PI4K2A: variants seen among roughly 807,000 people sequenced by gnomAD.
PI4K2A encodes phosphatidylinositol 4-kinase type 2 alpha.
A neutral mutation model predicts 55.0 loss-of-function variants in PI4K2A; 20 were observed. That is an observed-to-expected ratio of 0.36 (90% CI 0.26 to 0.53). The LOEUF (loss-of-function observed/expected upper bound fraction) is 0.53. Ranked by LOEUF, PI4K2A falls within the 20% of genes least tolerant of loss-of-function variation. PI4K2A has a pLI of 0.91. For synonymous variants in PI4K2A, 235 were observed against 258.5 expected (o/e 0.91, Z 0.87); for missense variants, 463 against 637.1 (o/e 0.73, Z 2.94).
At chr10:97,648,472 G>A (rs2041515761) in intron 1 of PI4K2A, among the ~76,000 whole-genome samples, 1 of 152,042 alleles carries the variant, frequency 6.6e-6, no homozygotes, top group Non-Finnish European at 1.5e-5. Flanking sequence ...CTCATCCTCT[G>A]AAAGTGCTGG....
exon 2 of PI4K2A, chr10:97,650,947 A>G: frequency 6.2e-7 from 1 of 1,612,522 alleles, no homozygotes; most frequent in Non-Finnish European, 8.5e-7. Flanking sequence ...GTAGAGGATC[A>G]TTGCTGTCTT....
intron 1 of PI4K2A, among the ~76,000 whole-genome samples, chr10:97,645,441 T>C (rs565478188): frequency 7.6e-4 from 115 of 151,878 alleles, no homozygotes; most frequent in Non-Finnish European, 1.4e-3. Context: ...ACCCCATCTC[T>C]ACTAGAAATA....
chr10:97,667,176 C>G (rs1482950882), intron 8 of PI4K2A, 56 bp downstream of exon 8: 1 of 1,283,856 alleles, frequency 7.8e-7, no homozygotes, highest in East Asian at 2.3e-5. Context: ...GTTGTGTGCT[C>G]AGGTTGAGCA....
Position 97,650,278 on chromosome 10 carries a change from C to CTTTTTTTTTTTT in PI4K2A, c.436-658_436-647dup, listed in dbSNP as rs71007356. ...TCTACCACTGAATTGGCTTCTGTACCTTTTTTTTTTTTTTTTGTGAGACAG... is the reference window on the plus strand; with the variant it reads ...TCTACCACTGAATTGGCTTCTGTACCTTTTTTTTTTTTTTTTTTTTTTTTTTTTGTGAGACAG... On this transcript the variant is annotated intron_variant, in intron 1 of 8. Coordinates refer to ENST00000370631, the Ensembl canonical transcript of PI4K2A. 2.4e-3 allele frequency among the ~76,000 whole-genome samples: 255 copies of CTTTTTTTTTTTT among 108,030 alleles called. 6 individuals are homozygous for CTTTTTTTTTTTT. The highest frequency in any genetic ancestry group is 5.4e-3 in the African/African-American group (130 of 24,098). 70.9% of individuals were successfully genotyped at this position (108,030 alleles called of 152,430 possible). A position where few individuals can be genotyped will look rare whatever the true frequency, so the allele number is the denominator to read the frequency against.
intron 8 of PI4K2A, among the ~76,000 whole-genome samples, chr10:97,667,385 T>G (rs2041615130): frequency 6.6e-6 from 1 of 152,090 alleles, no homozygotes; most frequent in African/African-American, 2.4e-5. Context: ...AATTTTTGCA[T>G]TTTTAGTAGA....
exon 1 of PI4K2A, chr10:97,640,875 G>A: frequency 7.6e-7 from 1 of 1,311,888 alleles, no homozygotes. Context: ...GGCCGGCTCG[G>A]GCCCCTCTCC....
chr10:97,663,446 G>A (rs1291868657), intron 5 of PI4K2A, among the ~76,000 whole-genome samples: 6 of 151,484 alleles, frequency 4.0e-5, no homozygotes, highest in Non-Finnish European at 4.4e-5. Context: ...CAGTCTACAT[G>A]TTTTACAAAA....
chr10:97,661,460 A>G (rs566704611), intron 4 of PI4K2A, among the ~76,000 whole-genome samples: 51 of 150,994 alleles, frequency 3.4e-4, no homozygotes, highest in African/African-American at 1.1e-3. Context: ...AAAGATTTTT[A>G]TAATTGGCTT....
chr10:97,666,685 A>C, intron 7 of PI4K2A, 114 bp downstream of exon 7: 1 of 899,862 alleles, frequency 1.1e-6, no homozygotes, highest in Admixed American at 2.6e-5. Flanking sequence ...TTCTGACTTG[A>C]GTTAGCCAAC....
rs1044633283 is a variant in PI4K2A at position 97,666,947 on chromosome 10, G to C, written c.1219-114G>C. 4 of 755,404 alleles carry C rather than the reference G, an allele frequency of 5.3e-6. No individual in the cohort carries two copies. The Admixed American group carries it at 9.0e-5, about 17-fold the overall frequency. The allele number at this position is 755,404 out of a possible 1,614,324, so 46.8% of individuals were successfully genotyped here. ...TTGTGGGAGTAGTTGACTTCACAAA[G>C]CTGCAGAAGCCTTATGCAGGTTTTC... On this transcript the variant is annotated intron_variant, in intron 7 of 8. Transcript: ENST00000370631.
chr10:97,670,496 T>C (rs948478060), intron 8 of PI4K2A, among the ~76,000 whole-genome samples: 2 of 152,220 alleles, frequency 1.3e-5, no homozygotes, highest in African/African-American at 4.8e-5. Context: ...CTAGATATTC[T>C]TTTTTGCCAA....
At chr10:97,663,038 C>T in intron 5 of PI4K2A, 70 bp downstream of exon 5, 1 of 1,030,638 alleles carries the variant, frequency 9.7e-7, no homozygotes, top group Admixed American at 1.7e-5. Flanking sequence ...ATAAAATGGT[C>T]AGAGATGTAG....
chr10:97,648,114 A>ATTTTTTTTTTTTT (rs2041514220), intron 1 of PI4K2A, among the ~76,000 whole-genome samples: 1 of 94,802 alleles, frequency 1.1e-5, no homozygotes, highest in Admixed American at 1.3e-4. Context: ...TTTTTTTTTG[A>ATTTTTTTTTTTTT]GATGCTATTT....
chr10:97,660,204 T>A (rs2041574620), intron 4 of PI4K2A, among the ~76,000 whole-genome samples: 1 of 150,214 alleles, frequency 6.7e-6, no homozygotes, highest in Non-Finnish European at 1.5e-5. Context: ...GGTTTCACCG[T>A]GTTAGCCAGG....
chr10:97,656,198 T>C lies in PI4K2A; in HGVS notation c.637-87T>C, dbSNP rs2041553427. 2 of 1,095,436 alleles carry C rather than the reference T, an allele frequency of 1.8e-6. No homozygotes were observed. The highest frequency in any genetic ancestry group is 3.1e-5 in the African/African-American group (2 of 64,500). The allele number at this position is 1,095,436 out of a possible 1,614,324, so 67.9% of individuals were successfully genotyped here. A position where few individuals can be genotyped will look rare whatever the true frequency, so the allele number is the denominator to read the frequency against. ...TGCCCTGGAAGAGGAATAGGATTTG[T>C]GAACATCAAGCTATTTATTCTCTGC... On this transcript the variant is annotated intron_variant, in intron 2 of 8. Coordinates refer to ENST00000370631, the Ensembl canonical transcript of PI4K2A. The surrounding 1 kb of genome is among the most constrained non-coding windows in gnomAD (Gnocchi z 4.5).
At chr10:97,647,888 G>T (rs775053691) in intron 1 of PI4K2A, among the ~76,000 whole-genome samples, 1 of 151,306 alleles carries the variant, frequency 6.6e-6, no homozygotes, top group East Asian at 1.9e-4. Flanking sequence ...ACACTTGACT[G>T]CAATCTTGGC....
intron 4 of PI4K2A, among the ~76,000 whole-genome samples, chr10:97,659,597 G>A (rs2041570987): frequency 6.6e-6 from 1 of 151,790 alleles, no homozygotes; most frequent in African/African-American, 2.4e-5. Context: ...GATTTTAGAG[G>A]AAAACCTTGC....
At chr10:97,655,369 CA>C (rs61219001) in intron 2 of PI4K2A, among the ~76,000 whole-genome samples, 1,628 of 67,794 alleles carry the variant, frequency 0.024, 18 homozygotes, top group African/African-American at 0.071. Flanking sequence ...GACTCTGTCT[CA>C]AAAAAAAAAA....
At chr10:97,666,030 T>C (rs1275712616) in intron 6 of PI4K2A, among the ~76,000 whole-genome samples, 1 of 152,218 alleles carries the variant, frequency 6.6e-6, no homozygotes, top group Non-Finnish European at 1.5e-5. Flanking sequence ...CTATCAGTGT[T>C]CTGTCTTCCT....
Sources: allele counts gnomAD v4.1 joint callset (sites outside exome capture counted in the v4.1 genomes callset), GRCh38; gene constraint gnomAD v4.1.1; non-coding constraint Gnocchi (gnomAD v3.1); transcripts MANE v1.5; gene names NCBI Gene and HGNC (gene_info 2026-07-23, HGNC 2026-07-21).